The following ARHGEF12 variants were observed in gnomAD, a reference collection of about 807,000 sequenced individuals.
The protein encoded by ARHGEF12 is Rho guanine nucleotide exchange factor 12.
ARHGEF12 carries 66 observed loss-of-function variants against 211.2 expected under a neutral mutation model. The ratio of observed to expected loss-of-function variants is 0.31; its 90% CI spans 0.26 to 0.38. ARHGEF12 has a LOEUF of 0.38. Ranked by LOEUF, ARHGEF12 falls within the 10% of genes least tolerant of loss-of-function variation. The pLI, the probability that ARHGEF12 is intolerant of heterozygous loss-of-function variation, is 1.00. For synonymous variants in ARHGEF12, 592 were observed against 638.4 expected (o/e 0.93, Z 1.09); for missense variants, 1,429 against 1,869.5 (o/e 0.76, Z 4.34).
chr11:120,388,972 C>T (rs2135487383), intron 1 of ARHGEF12, among the ~76,000 whole-genome samples: 1 of 152,262 alleles, frequency 6.6e-6, no homozygotes, highest in African/African-American at 2.4e-5. Flanking sequence ...AAGCGATTCT[C>T]CTGCCTCAGC....
At chr11:120,432,457 A>G (rs1212959022) in intron 11 of ARHGEF12, among the ~76,000 whole-genome samples, 1 of 152,220 alleles carries the variant, frequency 6.6e-6, no homozygotes, top group Non-Finnish European at 1.5e-5. Flanking sequence ...ATATGATGTA[A>G]CACCATAGAC....
intron 28 of ARHGEF12, among the ~76,000 whole-genome samples, chr11:120,465,945 T>C (rs554101528): frequency 2.3e-4 from 35 of 152,346 alleles, no homozygotes; most frequent in African/African-American, 7.9e-4. Context: ...GAGAATATTG[T>C]CAAAGCATGA....
At chr11:120,364,385 A>C (rs1396380976) in intron 1 of ARHGEF12, among the ~76,000 whole-genome samples, 1 of 152,260 alleles carries the variant, frequency 6.6e-6, no homozygotes, top group Non-Finnish European at 1.5e-5. Context: ...TTAAACTTAC[A>C]GAAAATAATT....
chr11:120,414,976 A>C (rs1487259258), intron 4 of ARHGEF12, among the ~76,000 whole-genome samples: 2 of 152,222 alleles, frequency 1.3e-5, no homozygotes, highest in Admixed American at 6.5e-5. Context: ...GTGTCTATGC[A>C]AAGTGCTGGC....
intron 12 of ARHGEF12, among the ~76,000 whole-genome samples, chr11:120,437,965 A>G (rs1242215509): frequency 6.6e-6 from 1 of 152,154 alleles, no homozygotes; most frequent in Non-Finnish European, 1.5e-5. Context: ...CATTTTGTTT[A>G]TCTGTCCGTT....
chr11:120,409,005 G>A (rs936189082), intron 3 of ARHGEF12: 1 of 157,372 alleles, frequency 6.4e-6, no homozygotes, highest in Non-Finnish European at 1.4e-5. Flanking sequence ...AATCTTGTTA[G>A]GTTTATTTTG....
In ARHGEF12 at chr11:120,411,683, G is replaced by A. The variant is rs1944886760; in HGVS notation, c.199+2233G>A. 3 of 139,998 alleles carry A rather than the reference G, an allele frequency of 2.1e-5. No homozygotes were observed. In the Admixed American group the frequency reaches 2.3e-4, roughly 11 times the overall value. 8.7% of individuals were successfully genotyped at this position (139,998 alleles called of 1,614,324 possible). Reference sequence around the variant, plus strand: ...TGACTCACTGCAGCCTCAACCTCCTGGGCTCAAGTGATCCTCCTACCTAAG... The same window carrying A: ...TGACTCACTGCAGCCTCAACCTCCTAGGCTCAAGTGATCCTCCTACCTAAG... On this transcript the variant is annotated intron_variant, in intron 4 of 40. Coordinates refer to ENST00000397843, the MANE Select transcript of ARHGEF12 (RefSeq NM_015313.3).
At chr11:120,382,653 A>G (rs940425519) in intron 1 of ARHGEF12, among the ~76,000 whole-genome samples, 1 of 152,232 alleles carries the variant, frequency 6.6e-6, no homozygotes, top group African/African-American at 2.4e-5. Flanking sequence ...TGTCTTCATG[A>G]GTACTGTATG....
chr11:120,454,817 C>T (rs191200532), intron 22 of ARHGEF12, among the ~76,000 whole-genome samples: 19 of 152,176 alleles, frequency 1.2e-4, no homozygotes, highest in South Asian at 4.2e-4. Flanking sequence ...TGGCTTTTCC[C>T]GAGTATCCCA....
chr11:120,432,784 G>A lies in ARHGEF12; in HGVS notation c.924+873G>A, dbSNP rs550900116. ...CTCTTATTGAAGGTTGTTGTTGGGG[G>A]ATTGTTTTGTTTTGTTGTTTTTTAA... On this transcript the variant is annotated intron_variant, in intron 11 of 40. Coordinates refer to ENST00000397843, the MANE Select transcript of ARHGEF12 (RefSeq NM_015313.3). Among the ~76,000 whole-genome samples, 5 of 152,264 alleles carry A rather than the reference G, an allele frequency of 3.3e-5. No individual in the cohort carries two copies. The South Asian group carries it at 1.0e-3, about 32-fold the overall frequency.
chr11:120,398,578 T>G (rs189443997), intron 1 of ARHGEF12, among the ~76,000 whole-genome samples: 176 of 152,226 alleles, frequency 1.2e-3, no homozygotes, highest in African/African-American at 1.7e-3. Flanking sequence ...TGTGTTTTTT[T>G]TGTGTGTGTG....
intron 6 of ARHGEF12, among the ~76,000 whole-genome samples, chr11:120,423,011 C>T (rs948133571): frequency 2.0e-5 from 3 of 151,956 alleles, no homozygotes; most frequent in Admixed American, 6.6e-5. Context: ...ATATCTGAAA[C>T]GTATCACAGA....
Position 120,431,864 on chromosome 11 carries a change from G to T in ARHGEF12, c.877G>T (p.Asp293Tyr). 1 of 1,613,602 alleles carries T rather than the reference G, an allele frequency of 6.2e-7. No homozygotes were observed. Among genetic ancestry groups the T allele is most frequent in the South Asian group, 1.1e-5 (1 of 90,930 alleles). The change falls in exon 11 of 41, where the codon GAC (aspartate) becomes TAC (tyrosine). Residue 293 changes from aspartate to tyrosine, a missense_variant. Transcript: ENST00000397843. ...TCCTGGAGATGTACTGGGCAGGACT[G>T]ACTGTAGCAGTGGAGATGCTTCTCG... is the stretch of plus-strand genomic sequence containing the variant. ...TDPGDVLGRT[D>Y]CSSGDASRPS...
Position 120,468,479 on chromosome 11 carries a change from C to T in ARHGEF12, c.2855-809C>T, listed in dbSNP as rs141134014. Among the ~76,000 whole-genome samples, 301 of 152,258 alleles carry T rather than the reference C, an allele frequency of 2.0e-3. 7 individuals carry two copies. In the Middle Eastern group the frequency reaches 0.024, roughly 12 times the overall value. ...GTTTTGTTTTTTTGAGACGGAGTCT[C>T]GCTCTGTCGCCCAGGCTGGAGTGAA... On this transcript the variant is annotated intron_variant, in intron 29 of 40. Coordinates refer to ENST00000397843, the MANE Select transcript of ARHGEF12 (RefSeq NM_015313.3).
At chr11:120,375,494 C>G (rs1231944498) in intron 1 of ARHGEF12, among the ~76,000 whole-genome samples, 1 of 151,162 alleles carries the variant, frequency 6.6e-6, no homozygotes, top group Non-Finnish European at 1.5e-5. Context: ...TTCTTTGTTC[C>G]TTTCCCCTTT....
Position 120,481,458 on chromosome 11 carries a change from G to A in ARHGEF12, c.4436G>A (p.Arg1479His), listed in dbSNP as rs191576794. 8.1e-6 allele frequency: 13 copies of A among 1,614,176 alleles called. No homozygotes were observed. Among genetic ancestry groups the A allele is most frequent in the African/African-American group, 2.7e-5 (2 of 75,036 alleles). Residue 1479 changes from arginine to histidine, a missense_variant, in exon 39 of 41, where the codon CGC (arginine) becomes CAC (histidine). By Grantham distance (29) the Arg-to-His change is conservative. This residue lies in a region of ARHGEF12 where 467 missense variants were observed against 468.4 expected (regional missense o/e 1.00). Coordinates refer to ENST00000397843, the MANE Select transcript of ARHGEF12 (RefSeq NM_015313.3). The part of the protein sequence containing the change: ...PFTPEFLVQQ[R>H]WGAMEYSCFE... ...ACCCCCGAATTTCTGGTCCAGCAGC[G>A]CTGGGGAGCTATGGAGTATTCCTGT...
intron 1 of ARHGEF12, among the ~76,000 whole-genome samples, chr11:120,362,687 A>G (rs1462298980): frequency 6.6e-6 from 1 of 152,238 alleles, no homozygotes; most frequent in Non-Finnish European, 1.5e-5. Flanking sequence ...CTTCTAGATT[A>G]TTATGAATGT....
At position 120,489,384 on chromosome 11, in the gene ARHGEF12, T is replaced by G. The variant is rs907961031; in HGVS notation, c.*4307T>G. 4.5e-6 allele frequency: 1 copy of G among 224,476 alleles called. No homozygotes were observed. The highest frequency in any genetic ancestry group is 2.2e-5 in the African/African-American group (1 of 44,884). 13.9% of individuals were successfully genotyped at this position (224,476 alleles called of 1,614,324 possible). A position where few individuals can be genotyped will look rare whatever the true frequency, so the allele number is the denominator to read the frequency against. ...AACAAAATTTGCTATTGTAACTATT[T>G]TTAAGTATAAAGTTCAGTGAGGTAG... On this transcript the variant is annotated 3_prime_UTR_variant, in exon 41 of 41. Coordinates refer to ENST00000397843, the MANE Select transcript of ARHGEF12 (RefSeq NM_015313.3).
chr11:120,365,037 T>A (rs1458433322), intron 1 of ARHGEF12, among the ~76,000 whole-genome samples: 1 of 152,140 alleles, frequency 6.6e-6, no homozygotes, highest in Non-Finnish European at 1.5e-5. Context: ...TTCTCCCACA[T>A]TGGCCTCCCG....
Sources: gnomAD v4.1 joint callset for allele counts (sites outside exome capture counted in the v4.1 genomes callset) on GRCh38, gnomAD v4.1.1 for gene constraint, gnomAD v4.1.1 regional missense constraint, MANE v1.5 for transcripts, NCBI Gene and HGNC (gene_info 2026-07-23, HGNC 2026-07-21) for gene names.